CORO2A: variants seen among roughly 807,000 people sequenced by gnomAD.
The protein encoded by CORO2A is coronin-2A.
Under a neutral mutation model 62.4 loss-of-function variants are expected in CORO2A, and 47 were observed. The observed-to-expected ratio is 0.75, with a 90% CI of 0.60 to 0.96. The LOEUF (loss-of-function observed/expected upper bound fraction) is 0.96, where lower values mean the gene tolerates loss of function less well. CORO2A is among the 40% of genes least tolerant of loss of function. The pLI, the probability that CORO2A is intolerant of heterozygous loss-of-function variation, is 0.00. For synonymous variants in CORO2A, 273 were observed against 268.9 expected (o/e 1.02, Z -0.15); for missense variants, 610 against 684.1 (o/e 0.89, Z 1.21).
chr9:98,137,196 T>C (rs1359711901), intron 3 of CORO2A, among the ~76,000 whole-genome samples: 1 of 152,168 alleles, frequency 6.6e-6, no homozygotes, highest in East Asian at 1.9e-4. Flanking sequence ...TATAGCTCGC[T>C]TCCTCACTAT....
chr9:98,178,919 G>A (rs2118927332), intron 1 of CORO2A, among the ~76,000 whole-genome samples: 1 of 152,352 alleles, frequency 6.6e-6, no homozygotes, highest in Admixed American at 6.5e-5. Context: ...GAGAAGGGAT[G>A]TGACTTGTCC....
chr9:98,175,205 G>A (rs999750337), intron 1 of CORO2A, among the ~76,000 whole-genome samples: 1 of 152,152 alleles, frequency 6.6e-6, no homozygotes, highest in Non-Finnish European at 1.5e-5. Context: ...GCTATTCAGG[G>A]CCATCTCTGC....
At chr9:98,154,280 T>A (rs2795495) in intron 2 of CORO2A, among the ~76,000 whole-genome samples, 50,011 of 142,818 alleles carry the variant, frequency 0.35, 9,427 homozygotes, top group East Asian at 0.53. Context: ...TTTTGTAGGA[T>A]TTACCTGTAA....
intron 1 of CORO2A, among the ~76,000 whole-genome samples, chr9:98,189,733 T>C (rs1014286452): frequency 5.3e-5 from 8 of 152,362 alleles, no homozygotes; most frequent in Middle Eastern, 3.4e-3. Flanking sequence ...TTTAGTCTCA[T>C]GGTCTTTCTT....
intron 1 of CORO2A, among the ~76,000 whole-genome samples, chr9:98,173,919 C>T (rs1370989300): frequency 6.6e-6 from 1 of 152,098 alleles, no homozygotes; most frequent in Non-Finnish European, 1.5e-5. Flanking sequence ...GAGTTCGAGA[C>T]TAGCCTGACC....
chr9:98,144,016 C>G, intron 2 of CORO2A, among the ~76,000 whole-genome samples: 1 of 152,116 alleles, frequency 6.6e-6, no homozygotes, highest in Non-Finnish European at 1.5e-5. Context: ...GCAGCCTGGG[C>G]AACAGGCCCC....
At chr9:98,153,406 CTTT>C (rs748913791) in intron 2 of CORO2A, among the ~76,000 whole-genome samples, 4 of 129,462 alleles carry the variant, frequency 3.1e-5, no homozygotes, top group African/African-American at 5.7e-5. Context: ...CGGCTGATAA[CTTT>C]TTTTTTTTTT....
At position 98,176,782 on chromosome 9, in the gene CORO2A, A is replaced by G. The variant is rs191303956; in HGVS notation, c.-1+15777T>C. Reference sequence around the variant, plus strand: ...TGTCACATCTCAGAACAAAAGCACTAGCCAGACCCCAAGAGATCGTGGGGT... The same window carrying G: ...TGTCACATCTCAGAACAAAAGCACTGGCCAGACCCCAAGAGATCGTGGGGT... On this transcript the variant is annotated intron_variant, in intron 1 of 11. Transcript: ENST00000375077. Among the ~76,000 whole-genome samples the G allele has an allele frequency of 2.3e-3, 343 of 152,310 alleles. 1 individual carries two copies. Among genetic ancestry groups the G allele is most frequent in the African/African-American group, 7.6e-3 (317 of 41,556 alleles).
chr9:98,127,939 C>T (rs184692886), intron 10 of CORO2A, among the ~76,000 whole-genome samples: 138 of 151,804 alleles, frequency 9.1e-4, no homozygotes, highest in African/African-American at 3.1e-3. Context: ...AGAAGCTTTC[C>T]GTGGGGCAAA....
chr9:98,125,412 TAG>T, intron 11 of CORO2A, among the ~76,000 whole-genome samples: 1 of 152,300 alleles, frequency 6.6e-6, no homozygotes, highest in South Asian at 2.1e-4. Flanking sequence ...AACGGAAGCT[TAG>T]AGACATTCAG....
intron 1 of CORO2A, among the ~76,000 whole-genome samples, chr9:98,177,825 A>C (rs1828128560): frequency 6.6e-6 from 1 of 152,050 alleles, no homozygotes; most frequent in African/African-American, 2.4e-5. Context: ...CGCAAGACAA[A>C]ACGTATACAC....
Position 98,146,616 on chromosome 9 carries a change from C to T in CORO2A, c.202-8928G>A, listed in dbSNP as rs375263389. 4.9e-4 allele frequency among the ~76,000 whole-genome samples: 75 copies of T among 152,350 alleles called. No homozygotes were observed. In the South Asian group the frequency reaches 0.015, roughly 30 times the overall value. Reference sequence around the variant, plus strand: ...CTCACCTACTGATACATCTCTGTGCCTGGCACAGAACGTAATCCTGGTAAC... The same window carrying T: ...CTCACCTACTGATACATCTCTGTGCTTGGCACAGAACGTAATCCTGGTAAC... On this transcript the variant is annotated intron_variant, in intron 2 of 11. Coordinates refer to ENST00000375077, the MANE Select transcript of CORO2A (RefSeq NM_052820.4).
chr9:98,151,862 G>A (rs1351191833), intron 2 of CORO2A, among the ~76,000 whole-genome samples: 2 of 150,530 alleles, frequency 1.3e-5, no homozygotes, highest in African/African-American at 4.9e-5. Context: ...TGTCGCCCAG[G>A]CTGGAGTACA....
At chr9:98,157,357 G>C in intron 2 of CORO2A, 103 bp downstream of exon 2, 3 of 1,042,642 alleles carry the variant, frequency 2.9e-6, no homozygotes, top group Middle Eastern at 2.1e-4. Context: ...CACACAGCTA[G>C]TAATGGGCAG....
chr9:98,155,342 A>T (rs1404627645), intron 2 of CORO2A, among the ~76,000 whole-genome samples: 5 of 101,860 alleles, frequency 4.9e-5, no homozygotes, highest in African/African-American at 7.8e-5. Context: ...TTATTGCTCA[A>T]TTTTTTTTTT....
chr9:98,146,327 C>A (rs1300829684), intron 2 of CORO2A, among the ~76,000 whole-genome samples: 2 of 152,198 alleles, frequency 1.3e-5, no homozygotes, highest in Non-Finnish European at 2.9e-5. Flanking sequence ...TGAGTACAGT[C>A]CCTGGTTGCC....
intron 1 of CORO2A, among the ~76,000 whole-genome samples, chr9:98,177,405 T>G (rs1163984561): frequency 1.3e-5 from 2 of 149,956 alleles, no homozygotes; most frequent in Non-Finnish European, 2.9e-5. Context: ...GTGTTAGAGG[T>G]AGCAGGAGCA....
rs559361574 is a variant in CORO2A at position 98,167,500 on chromosome 9, A to AT, written c.1-9841dup. Among the ~76,000 whole-genome samples, 27 of 152,294 alleles carry AT rather than the reference A, an allele frequency of 1.8e-4. No homozygotes were observed. The East Asian group carries it at 5.0e-3, about 28-fold the overall frequency. ...TTTTAGTACAATGAAATATACATAT[A>AT]TTTTTTAAAAGATCCGGTTTCTTTA... is the stretch of plus-strand genomic sequence containing the variant. On this transcript the variant is annotated intron_variant, in intron 1 of 11. Coordinates refer to ENST00000375077, the MANE Select transcript of CORO2A (RefSeq NM_052820.4).
chr9:98,184,274 G>C (rs933205048), intron 1 of CORO2A, among the ~76,000 whole-genome samples: 5 of 151,512 alleles, frequency 3.3e-5, no homozygotes, highest in Admixed American at 6.6e-5. Flanking sequence ...TTGTTGCCCA[G>C]GCTGGTCTCA....
Sources: allele counts gnomAD v4.1 joint callset (sites outside exome capture counted in the v4.1 genomes callset), GRCh38; gene constraint gnomAD v4.1.1; transcripts MANE v1.5; gene names NCBI Gene and HGNC (gene_info 2026-07-23, HGNC 2026-07-21).